Variants in GLG1 observed in about 807,000 individuals in gnomAD.
GLG1 encodes Golgi apparatus protein 1.
A neutral mutation model predicts 160.5 loss-of-function variants in GLG1; 38 were observed. The ratio of observed to expected loss-of-function variants is 0.24; its 90% CI spans 0.18 to 0.31. The LOEUF (loss-of-function observed/expected upper bound fraction) is 0.31, where lower values mean the gene tolerates loss of function less well. Ranked by LOEUF, GLG1 falls within the 10% of genes least tolerant of loss-of-function variation. GLG1 has a pLI of 1.00. For synonymous variants in GLG1, 644 were observed against 543.4 expected (o/e 1.19, Z -2.57); for missense variants, 1,373 against 1,505.2 (o/e 0.91, Z 1.45).
intron 18 of GLG1, among the ~76,000 whole-genome samples, chr16:74,467,262 C>A (rs190881914): frequency 1.3e-5 from 2 of 152,186 alleles, no homozygotes; most frequent in African/African-American, 4.8e-5. Context: ...CGAGTAGTAA[C>A]GAGAACATTT....
In GLG1 at chr16:74,583,854, AG is replaced by A. The variant is rs1957990039; in HGVS notation, c.438+22802del. On this transcript the variant is annotated intron_variant, in intron 1 of 25. Transcript: ENST00000422840. ...CCATGTCTTTTAGAAGGGGGAGCTG[AG>A]GGTATCATCATCACCACATTCCCAG... is the stretch of plus-strand genomic sequence containing the variant. Among the ~76,000 whole-genome samples, 13 of 152,302 alleles carry A rather than the reference AG, an allele frequency of 8.5e-5. No homozygotes were observed. The South Asian group carries it at 2.7e-3, about 32-fold the overall frequency.
intron 6 of GLG1, among the ~76,000 whole-genome samples, chr16:74,494,003 C>T (rs1373464446): frequency 9.9e-5 from 15 of 151,784 alleles, no homozygotes; most frequent in Admixed American, 8.6e-4. Context: ...GGTGAAACCC[C>T]GTCTCTACTA....
chr16:74,535,394 G>A (rs916533459), intron 1 of GLG1, among the ~76,000 whole-genome samples: 17 of 152,288 alleles, frequency 1.1e-4, no homozygotes, highest in African/African-American at 4.1e-4. Flanking sequence ...TTGCTATCTT[G>A]ATTTGCAACT....
At chr16:74,508,138 T>C (rs1435183183) in intron 3 of GLG1, among the ~76,000 whole-genome samples, 3 of 152,040 alleles carry the variant, frequency 2.0e-5, no homozygotes, top group Admixed American at 2.0e-4. Flanking sequence ...CCTTAAGAGC[T>C]CTGAAGAATG....
intron 2 of GLG1, among the ~76,000 whole-genome samples, chr16:74,521,863 G>C (rs2017175977): frequency 6.6e-6 from 1 of 152,194 alleles, no homozygotes; most frequent in South Asian, 2.1e-4. Context: ...ATGGAAAGGA[G>C]GTGCCTTGGC....
At chr16:74,517,679 A>T (rs1012879924) in intron 2 of GLG1, among the ~76,000 whole-genome samples, 1 of 152,178 alleles carries the variant, frequency 6.6e-6, no homozygotes, top group African/African-American at 2.4e-5. Flanking sequence ...TATTCAACAT[A>T]GTATTGGAAG....
rs983036249 is a variant in GLG1, at chr16:74,452,467, G to A, written c.*700C>T. 40 of 1,078,684 alleles carry A rather than the reference G, an allele frequency of 3.7e-5. No homozygotes were observed. Among genetic ancestry groups the A allele is most frequent in the African/African-American group, 2.9e-4 (18 of 61,584 alleles). The allele number at this position is 1,078,684 out of a possible 1,614,324, so 66.8% of individuals were successfully genotyped here. ...GGCTCATGCTTTGCTTCAATGAAGC[G>A]AGGAGACCACAGAAATACCCATGGC... On this transcript the variant is annotated 3_prime_UTR_variant, in exon 26 of 26. Coordinates refer to ENST00000422840, the MANE Select transcript of GLG1 (RefSeq NM_001145667.2).
In GLG1 at chr16:74,492,958, T is replaced by C; in HGVS notation, c.1233A>G (p.Arg411=). Residue 411 remains arginine, a splice_region_variant and synonymous_variant, in exon 7 of 26, where the codon AGA becomes AGG. Transcript: ENST00000422840. ...TTAAAAAAAAAATATGAATGCTACC[T>C]CTGTGTACAGCTGACTCCAGGCACA... ...LLMCLESAVH[R]GRQVSSECQG... The C allele has an allele frequency of 6.3e-7, 1 of 1,588,856 alleles. No homozygotes were observed. Among genetic ancestry groups the C allele is most frequent in the Non-Finnish European group, 8.6e-7 (1 of 1,167,932 alleles).
intron 1 of GLG1, among the ~76,000 whole-genome samples, chr16:74,592,159 T>C (rs117541093): frequency 0.018 from 2,794 of 152,284 alleles, 36 homozygotes; most frequent in Non-Finnish European, 0.028. Context: ...GATTGATTGA[T>C]TGAGATGGAG....
intron 1 of GLG1, among the ~76,000 whole-genome samples, chr16:74,537,690 T>A (rs1217799754): frequency 6.9e-6 from 1 of 145,346 alleles, no homozygotes; most frequent in African/African-American, 2.6e-5. Context: ...GCTTTATGAG[T>A]CCATAAAATC....
At chr16:74,576,918 C>T (rs1419425874) in intron 1 of GLG1, among the ~76,000 whole-genome samples, 2 of 130,352 alleles carry the variant, frequency 1.5e-5, no homozygotes, top group African/African-American at 6.1e-5. Flanking sequence ...ATTCTAACCA[C>T]TCCTAATTTT....
chr16:74,566,052 G>A (rs577957625), intron 1 of GLG1, among the ~76,000 whole-genome samples: 11 of 152,280 alleles, frequency 7.2e-5, no homozygotes, highest in African/African-American at 2.6e-4. Flanking sequence ...ATGGGTTATA[G>A]GCTTTTTGGA....
intron 3 of GLG1, among the ~76,000 whole-genome samples, chr16:74,506,581 C>CAGAAAAAA (rs2016613624): frequency 2.6e-5 from 1 of 39,048 alleles, no homozygotes; most frequent in African/African-American, 1.1e-4. Flanking sequence ...GACTCCGTCT[C>CAGAAAAAA]AAAAAAAAAA....
chr16:74,554,255 C>T (rs1036058880), intron 1 of GLG1, among the ~76,000 whole-genome samples: 1 of 152,192 alleles, frequency 6.6e-6, no homozygotes, highest in African/African-American at 2.4e-5. Context: ...GGAGGAGAGC[C>T]AGGCGCCGTG....
At position 74,508,902 on chromosome 16, in the gene GLG1, G is replaced by T; in HGVS notation, c.495C>A (p.Asn165Lys). 2 of 1,486,702 alleles carry T rather than the reference G, an allele frequency of 1.3e-6. No homozygotes were observed. Among genetic ancestry groups the T allele is most frequent in the Non-Finnish European group, 1.9e-6 (2 of 1,066,508 alleles). The allele number at this position is 1,486,702 out of a possible 1,614,324, so 92.1% of individuals were successfully genotyped here. A position where few individuals can be genotyped will look rare whatever the true frequency, so the allele number is the denominator to read the frequency against. Residue 165 changes from asparagine (N) to lysine (K), a missense_variant, in exon 3 of 26, where the codon AAC becomes AAA. Coordinates refer to ENST00000422840, the MANE Select transcript of GLG1 (RefSeq NM_001145667.2). ...CNHLLWNYKL[N>K]LTTDPKFESV... is the part of the protein sequence containing the mutation. ...ATTCAAATTTGGGATCTGTAGTTAG[G>T]TTCAGCTTATAATTCCACAACAACT... is the stretch of plus-strand genomic sequence containing the variant.
At chr16:74,495,897 C>A (rs1299661140) in intron 5 of GLG1, among the ~76,000 whole-genome samples, 1 of 152,170 alleles carries the variant, frequency 6.6e-6, no homozygotes, top group African/African-American at 2.4e-5. Flanking sequence ...ATACTGGGAC[C>A]AATTTCTTCT....
At chr16:74,491,771 T>C (rs2143381764) in intron 7 of GLG1, among the ~76,000 whole-genome samples, 1 of 151,312 alleles carries the variant, frequency 6.6e-6, no homozygotes, top group Non-Finnish European at 1.5e-5. Flanking sequence ...TCCAAGTAGC[T>C]GGGACTACAG....
At chr16:74,456,915 T>C (rs746667931) in intron 24 of GLG1, among the ~76,000 whole-genome samples, 160 bp from the exon 25 acceptor site, 1 of 152,090 alleles carries the variant, frequency 6.6e-6, no homozygotes, top group Non-Finnish European at 1.5e-5. Flanking sequence ...GATCCAACAA[T>C]GGAGAGAAAT....
chr16:74,472,788 C>T (rs987797081), intron 13 of GLG1: 14 of 367,634 alleles, frequency 3.8e-5, no homozygotes, highest in Non-Finnish European at 6.9e-5. Context: ...AGTTTATAAG[C>T]TCATAAGCCA....
Sources: gnomAD v4.1 joint callset for allele counts (sites outside exome capture counted in the v4.1 genomes callset) on GRCh38, gnomAD v4.1.1 for gene constraint, MANE v1.5 for transcripts, NCBI Gene and HGNC (gene_info 2026-07-23, HGNC 2026-07-21) for gene names.